GPC5: variants seen among roughly 807,000 people sequenced by gnomAD.
The protein encoded by GPC5 is glypican-5.
A neutral mutation model predicts 53.9 loss-of-function variants in GPC5; 47 were observed. That is an observed-to-expected ratio of 0.87 (90% CI 0.69 to 1.11). The LOEUF (loss-of-function observed/expected upper bound fraction) is 1.11. Ranked by LOEUF, GPC5 falls within the 50% of genes most tolerant of loss-of-function variation. GPC5 has a pLI of 0.00. For missense variants in GPC5, 748 were observed against 713.1 expected (o/e 1.05, Z -0.56); for synonymous variants, 286 against 263.3 (o/e 1.09, Z -0.84).
intron 7 of GPC5, among the ~76,000 whole-genome samples, chr13:92,425,317 G>C (rs1462569311): frequency 6.6e-6 from 1 of 151,958 alleles, no homozygotes; most frequent in Non-Finnish European, 1.5e-5. Flanking sequence ...TCTAGATGTA[G>C]TAAAAGTTTA....
intron 7 of GPC5, among the ~76,000 whole-genome samples, chr13:92,858,656 G>T (rs1326104): frequency 0.068 from 10,359 of 152,136 alleles, 445 homozygotes; most frequent in Non-Finnish European, 0.095. Context: ...ACTCCAAAAA[G>T]AGGGAGGGCA....
intron 7 of GPC5, among the ~76,000 whole-genome samples, chr13:92,315,209 C>T (rs1452573761): frequency 1.3e-5 from 2 of 152,196 alleles, no homozygotes; most frequent in Non-Finnish European, 1.5e-5. Flanking sequence ...TGGAAATTCT[C>T]TCTGGGAAGT....
intron 7 of GPC5, among the ~76,000 whole-genome samples, chr13:92,348,460 G>C (rs751681235): frequency 6.6e-6 from 1 of 151,732 alleles, no homozygotes; most frequent in African/African-American, 2.4e-5. Flanking sequence ...TGAGAGAGAG[G>C]GATTGCCATA....
chr13:91,490,574 A>G (rs1720159576), intron 2 of GPC5, among the ~76,000 whole-genome samples: 2 of 152,220 alleles, frequency 1.3e-5, no homozygotes, highest in African/African-American at 2.4e-5. Context: ...CAAGCTAATG[A>G]TAAATAAATA....
intron 7 of GPC5, among the ~76,000 whole-genome samples, chr13:92,206,875 T>C (rs780748908): frequency 2.6e-5 from 4 of 152,186 alleles, no homozygotes; most frequent in Non-Finnish European, 5.9e-5. Flanking sequence ...TCAGGTTTGC[T>C]GGTTTACATT....
At chr13:91,576,871 A>T (rs2032157387) in intron 2 of GPC5, among the ~76,000 whole-genome samples, 1 of 152,106 alleles carries the variant, frequency 6.6e-6, no homozygotes, top group African/African-American at 2.4e-5. Flanking sequence ...TAAAACTCTT[A>T]ATGTCACACT....
intron 7 of GPC5, among the ~76,000 whole-genome samples, chr13:92,831,815 G>T (rs1225893198): frequency 2.6e-5 from 4 of 152,042 alleles, no homozygotes; most frequent in Non-Finnish European, 5.9e-5. Flanking sequence ...CTTCCATGTG[G>T]CCAAGTAAGG....
intron 6 of GPC5, among the ~76,000 whole-genome samples, chr13:91,943,772 T>A (rs1022283902): frequency 6.6e-6 from 1 of 152,192 alleles, no homozygotes; most frequent in African/African-American, 2.4e-5. Flanking sequence ...ATATCTTTTC[T>A]GTATTTGCTG....
intron 7 of GPC5, among the ~76,000 whole-genome samples, chr13:92,387,349 C>T (rs905386790): frequency 2.0e-5 from 3 of 151,988 alleles, no homozygotes; most frequent in Non-Finnish European, 2.9e-5. Flanking sequence ...TATCATGTTG[C>T]GTAGGTTCGA....
intron 7 of GPC5, among the ~76,000 whole-genome samples, chr13:92,672,998 T>A (rs1218422139): frequency 6.6e-6 from 1 of 152,118 alleles, no homozygotes; most frequent in African/African-American, 2.4e-5. Context: ...CAAGTTTACC[T>A]GTGTAACACA....
chr13:92,847,073 T>C (rs142504846), intron 7 of GPC5, among the ~76,000 whole-genome samples: 5 of 152,252 alleles, frequency 3.3e-5, no homozygotes, highest in Non-Finnish European at 1.5e-5. Context: ...AACCCCTACC[T>C]ACATAGCCAC....
intron 7 of GPC5, among the ~76,000 whole-genome samples, chr13:92,454,258 C>A (rs999238524): frequency 5.3e-5 from 8 of 152,064 alleles, no homozygotes; most frequent in Non-Finnish European, 1.2e-4. Context: ...TTTAATAATT[C>A]TCTCATAAAT....
chr13:92,133,313 C>A (rs764713694), intron 6 of GPC5, among the ~76,000 whole-genome samples: 1 of 152,128 alleles, frequency 6.6e-6, no homozygotes, highest in Non-Finnish European at 1.5e-5. Context: ...GATGCTGTGC[C>A]ATCTGGCGTA....
At chr13:91,884,933 T>C (rs2039305955) in intron 5 of GPC5, among the ~76,000 whole-genome samples, 1 of 152,202 alleles carries the variant, frequency 6.6e-6, no homozygotes, top group South Asian at 2.1e-4. Flanking sequence ...TGACAAGTCT[T>C]ACTATCTTGT....
chr13:92,801,202 C>T (rs941589831), intron 7 of GPC5, among the ~76,000 whole-genome samples: 1 of 151,514 alleles, frequency 6.6e-6, no homozygotes, highest in South Asian at 2.1e-4. Context: ...TATATTTATA[C>T]AGTCTACCTA....
intron 2 of GPC5, among the ~76,000 whole-genome samples, chr13:91,664,277 G>T (rs1247406167): frequency 6.6e-6 from 1 of 152,200 alleles, no homozygotes; most frequent in African/African-American, 2.4e-5. Context: ...CTGATTACAT[G>T]CTGATTGCTC....
intron 7 of GPC5, among the ~76,000 whole-genome samples, chr13:92,457,157 G>A (rs181626058): frequency 1.1e-4 from 16 of 152,164 alleles, no homozygotes; most frequent in Middle Eastern, 3.4e-3. Context: ...CTGCATCCAT[G>A]TTCTCCAAAG....
intron 7 of GPC5, among the ~76,000 whole-genome samples, chr13:92,288,302 G>A (rs1163854874): frequency 6.6e-6 from 1 of 152,032 alleles, no homozygotes; most frequent in Non-Finnish European, 1.5e-5. Flanking sequence ...GTGAATGAAT[G>A]TTTCTCTCTC....
At chr13:91,483,368 A>G (rs1343478842) in intron 2 of GPC5, among the ~76,000 whole-genome samples, 1 of 152,208 alleles carries the variant, frequency 6.6e-6, no homozygotes, top group Non-Finnish European at 1.5e-5. Context: ...CAATTAATCA[A>G]GACCTTAGGG....
Sources: gnomAD v4.1 joint callset for allele counts (sites outside exome capture counted in the v4.1 genomes callset) on GRCh38, gnomAD v4.1.1 for gene constraint, MANE v1.5 for transcripts, NCBI Gene and HGNC (gene_info 2026-07-23, HGNC 2026-07-21) for gene names.